Variants in TJP2 observed in about 807,000 individuals in gnomAD.
TJP2 encodes the protein Friedreich ataxia region gene X104 (tight junction protein ZO-2).
Under a neutral mutation model 133.1 loss-of-function variants are expected in TJP2, and 91 were observed. That is an observed-to-expected ratio of 0.68 (90% CI 0.58 to 0.81). The LOEUF is 0.81. Among genes scored for constraint, TJP2 ranks in the 40% least tolerant of loss-of-function variants. The probability of loss-of-function intolerance (pLI) is 0.00; values close to 1 mark genes in which losing one functional copy is unlikely to be tolerated. For synonymous variants in TJP2, 592 were observed against 583.4 expected, an observed-to-expected ratio of 1.01 and a Z score of -0.21; for missense variants, 1,541 against 1,565.6, an observed-to-expected ratio of 0.98 and a Z score of 0.26.
chr9:69,187,092 T>C (rs1588003961), intron 1 of TJP2, among the ~76,000 whole-genome samples: 1 of 152,212 alleles, frequency 6.6e-6, no homozygotes, highest in East Asian at 1.9e-4. Flanking sequence ...ATATTTTTGC[T>C]CCTTTTTACT....
chr9:69,146,755 G>A (rs1823231039), intron 1 of TJP2, among the ~76,000 whole-genome samples: 1 of 151,964 alleles, frequency 6.6e-6, no homozygotes, highest in Admixed American at 6.6e-5. Flanking sequence ...TTATAGCCCA[G>A]GGGTTGCTAT....
At chr9:69,156,361 C>CA (rs919692313) in intron 2 of TJP2, among the ~76,000 whole-genome samples, 14 of 150,452 alleles carry the variant, frequency 9.3e-5, no homozygotes, top group Middle Eastern at 3.4e-3. Context: ...GACTCTGTCC[C>CA]AAAAAAAAAG....
At chr9:69,233,371 G>A (rs1829931963) in intron 11 of TJP2, among the ~76,000 whole-genome samples, 1 of 152,130 alleles carries the variant, frequency 6.6e-6, no homozygotes, top group Admixed American at 6.5e-5. Flanking sequence ...ATATTTCATA[G>A]GAATTTTATA....
chr9:69,186,364 AG>A (rs1825861904), intron 1 of TJP2, among the ~76,000 whole-genome samples: 1 of 152,234 alleles, frequency 6.6e-6, no homozygotes, highest in Admixed American at 6.5e-5. Context: ...TGAAGTGATA[AG>A]GAAGGCAAAT....
chr9:69,171,158 T>TTAAGTA (rs1564398720), upstream of TJP2, among the ~76,000 whole-genome samples: 1 of 152,180 alleles, frequency 6.6e-6, no homozygotes, highest in Non-Finnish European at 1.5e-5. Flanking sequence ...GTCATCTCCT[T>TTAAGTA]TAAGTAAGCC....
intron 12 of TJP2, among the ~76,000 whole-genome samples, chr9:69,235,627 T>G (rs1830129615): frequency 1.3e-5 from 2 of 152,166 alleles, no homozygotes; most frequent in African/African-American, 2.4e-5. Flanking sequence ...CAGCCTAGTT[T>G]CCTCTTAATT....
Position 69,136,863 on chromosome 9 carries a change from A to G in TJP2, c.-130-14788A>G, listed in dbSNP as rs558913423. Reference sequence around the variant, plus strand: ...TGTCATGAACTCCACATTTGGATTCACTGGAAACAGATTTGGGAAAGAGCA... The same window carrying G: ...TGTCATGAACTCCACATTTGGATTCGCTGGAAACAGATTTGGGAAAGAGCA... On this transcript the variant is annotated intron_variant, in intron 1 of 5. Transcript: ENST00000423935. Among the ~76,000 whole-genome samples the G allele has an allele frequency of 2.0e-5, 3 of 152,264 alleles. No individual in the cohort carries two copies. The East Asian group carries it at 5.8e-4, about 29-fold the overall frequency.
intron 1 of TJP2, among the ~76,000 whole-genome samples, chr9:69,188,508 G>A (rs957520239): frequency 1.3e-5 from 2 of 152,176 alleles, no homozygotes; most frequent in African/African-American, 2.4e-5. Context: ...AATAGGAGAA[G>A]CTCAAGGCCC....
intron 5 of TJP2, among the ~76,000 whole-genome samples, chr9:69,222,215 C>T (rs1241093520): frequency 6.7e-6 from 1 of 148,592 alleles, no homozygotes; most frequent in Non-Finnish European, 1.5e-5. Flanking sequence ...CACTGTGTCA[C>T]CCTGGCTGGA....
chr9:69,139,433 T>G (rs1175472941), intron 1 of TJP2, among the ~76,000 whole-genome samples: 1 of 152,048 alleles, frequency 6.6e-6, no homozygotes, highest in Non-Finnish European at 1.5e-5. Context: ...AGGAGGAAAT[T>G]TGGACACAGA....
At chr9:69,169,868 GTCTC>G (rs1333614126), upstream of TJP2, among the ~76,000 whole-genome samples, 5 of 152,178 alleles carry the variant, frequency 3.3e-5, no homozygotes, top group Admixed American at 1.3e-4. Context: ...TTGAGACAGT[GTCTC>G]TCTCTGTCAC....
At chr9:69,152,784 G>A (rs1823538178) in intron 2 of TJP2, among the ~76,000 whole-genome samples, 1 of 144,206 alleles carries the variant, frequency 6.9e-6, no homozygotes, top group African/African-American at 2.5e-5. Context: ...GCTGGATGTG[G>A]GTTTTGTTTA....
At chr9:69,203,607 A>ATTTTTTTTTTGTTTTTTTT (rs1827168098) in intron 1 of TJP2, among the ~76,000 whole-genome samples, 1 of 67,860 alleles carries the variant, frequency 1.5e-5, no homozygotes, top group Non-Finnish European at 2.5e-5. Flanking sequence ...CCCAGCCTGG[A>ATTTTTTTTTTGTTTTTTTT]TTTTTTTTTT....
At chr9:69,232,099 G>C (rs777055809) in intron 11 of TJP2, among the ~76,000 whole-genome samples, 18 of 152,096 alleles carry the variant, frequency 1.2e-4, no homozygotes, top group Non-Finnish European at 2.5e-4. Flanking sequence ...TGGATAAAAA[G>C]TCATGGTATC....
chr9:69,157,750 C>T (rs183178046), intron 2 of TJP2, among the ~76,000 whole-genome samples: 132 of 152,266 alleles, frequency 8.7e-4, no homozygotes, highest in South Asian at 2.9e-3. Context: ...TCAGCCACCA[C>T]GCCTGGTCCT....
Position 69,221,247 on chromosome 9 carries a change from C to A in TJP2, c.703C>A (p.Arg235=). 7 of 1,607,996 alleles carry A rather than the reference C, an allele frequency of 4.4e-6. No individual in the cohort carries two copies. The highest frequency in any genetic ancestry group is 5.9e-6 in the Non-Finnish European group (7 of 1,177,632). ...LDHDFGPSRD[R]DRDRSRGRSI... is the part of the protein sequence containing the mutation. Reference sequence around the variant, plus strand: ...CCACGACTTTGGGCCATCCCGGGACCGGGACCGTGACCGCAGCCGCGGCCG... The same window carrying A: ...CCACGACTTTGGGCCATCCCGGGACAGGGACCGTGACCGCAGCCGCGGCCG... Residue 235 remains arginine, a synonymous_variant, in exon 5 of 23, where the codon CGG becomes AGG. Transcript: ENST00000377245.
At chr9:69,252,711 T>C in intron 21 of TJP2, 104 bp from the exon 22 acceptor site, 3 of 1,081,210 alleles carry the variant, frequency 2.8e-6, no homozygotes, top group Non-Finnish European at 4.2e-6. Context: ...GATGGGAAAA[T>C]AAGTAGGATA....
At chr9:69,223,972 C>T (rs1262093618) in intron 5 of TJP2, among the ~76,000 whole-genome samples, 1 of 152,110 alleles carries the variant, frequency 6.6e-6, no homozygotes, top group Non-Finnish European at 1.5e-5. Flanking sequence ...AATTTTGTGC[C>T]TGTTTTAAAA....
At chr9:69,183,845 C>G (rs1208036001) in intron 1 of TJP2, among the ~76,000 whole-genome samples, 1 of 152,170 alleles carries the variant, frequency 6.6e-6, no homozygotes. Flanking sequence ...AGTGATTCTC[C>G]TGCTTCAGCC....
Sources: allele counts gnomAD v4.1 joint callset (sites outside exome capture counted in the v4.1 genomes callset), GRCh38; gene constraint gnomAD v4.1.1; transcripts MANE v1.5; gene names NCBI Gene and HGNC (gene_info 2026-07-23, HGNC 2026-07-21).